MRPL1: variants seen among roughly 807,000 people sequenced by gnomAD.
MRPL1 encodes mitochondrial ribosomal protein L1.
In MRPL1, 28 loss-of-function variants were observed where a neutral mutation model predicts 38.0. The ratio of observed to expected loss-of-function variants is 0.74; its 90% CI spans 0.55 to 1.01. The LOEUF (loss-of-function observed/expected upper bound fraction) is 1.01. Ranked by LOEUF, MRPL1 falls within the 50% of genes least tolerant of loss-of-function variation. The pLI, the probability that MRPL1 is intolerant of heterozygous loss-of-function variation, is 0.00. For missense variants in MRPL1, 358 were observed against 389.8 expected (o/e 0.92, Z 0.69); for synonymous variants, 123 against 126.7 (o/e 0.97, Z 0.20).
chr4:77,952,697 T>A lies in MRPL1; in HGVS notation c.*90T>A, dbSNP rs1578068714. The A allele has an allele frequency of 1.3e-6, 1 of 766,252 alleles. No individual in the cohort carries two copies. Among genetic ancestry groups the A allele is most frequent in the East Asian group, 2.7e-5 (1 of 37,650 alleles). 47.5% of individuals were successfully genotyped at this position (766,252 alleles called of 1,614,324 possible). On this transcript the variant is annotated 3_prime_UTR_variant, in exon 9 of 9. Transcript: ENST00000315567. Reference sequence around the variant, plus strand: ...ATAATTTTTACATTTGATGTCTTGTTATTGATCATACTTGAAAGTGAACTT... The same window carrying A: ...ATAATTTTTACATTTGATGTCTTGTAATTGATCATACTTGAAAGTGAACTT...
chr4:77,920,086 T>C (rs1736530999), intron 7 of MRPL1, among the ~76,000 whole-genome samples: 1 of 152,190 alleles, frequency 6.6e-6, no homozygotes, highest in Admixed American at 6.5e-5. Flanking sequence ...CAATGTACTA[T>C]GAAAGTGACT....
At chr4:77,939,335 T>A (rs1189802923) in intron 7 of MRPL1, among the ~76,000 whole-genome samples, 1 of 152,204 alleles carries the variant, frequency 6.6e-6, no homozygotes, top group African/African-American at 2.4e-5. Flanking sequence ...TTGTGTGTCT[T>A]CTTTTGAGAA....
At chr4:77,927,684 A>G (rs1258409693) in intron 7 of MRPL1, among the ~76,000 whole-genome samples, 2 of 152,084 alleles carry the variant, frequency 1.3e-5, no homozygotes, top group East Asian at 1.9e-4. Context: ...TTCACTAAGT[A>G]CAATTGAAAT....
intron 4 of MRPL1, 39 bp downstream of exon 4, chr4:77,885,378 T>A (rs990662170): frequency 1.3e-6 from 2 of 1,531,026 alleles, no homozygotes; most frequent in South Asian, 2.3e-5. Flanking sequence ...CATTTAATTT[T>A]TTTTTTTGAG....
chr4:77,907,611 C>T (rs1343578468), intron 6 of MRPL1, among the ~76,000 whole-genome samples: 3 of 151,700 alleles, frequency 2.0e-5, no homozygotes, highest in African/African-American at 7.3e-5. Context: ...GTTGCCCAGG[C>T]TGCAGTGCAG....
At chr4:77,872,652 C>T (rs766568005) in intron 2 of MRPL1, among the ~76,000 whole-genome samples, 4 of 152,108 alleles carry the variant, frequency 2.6e-5, no homozygotes, top group Non-Finnish European at 5.9e-5. Flanking sequence ...ATCACGAAGT[C>T]GGCAGTTCAA....
Position 77,949,859 on chromosome 4 carries a change from G to A in MRPL1, c.840G>A (p.Arg280=). The A allele has an allele frequency of 6.2e-7, 1 of 1,609,006 alleles. No homozygotes were observed. The highest frequency in any genetic ancestry group is 8.5e-7 in the Non-Finnish European group (1 of 1,177,238). Residue 280 remains arginine, a synonymous_variant, in exon 8 of 9, where the codon AGG becomes AGA. Transcript: ENST00000315567. The stretch of plus-strand genomic sequence containing the variant: ...AAGCAGTTATTAATGAAGTTTGTAG[G>A]CACAGACCGCTGAATTTGGGTAAGT... ...NLQAVINEVC[R]HRPLNLGPFV...
chr4:77,950,949 C>T (rs1578068001), intron 8 of MRPL1, among the ~76,000 whole-genome samples: 1 of 152,234 alleles, frequency 6.6e-6, no homozygotes, highest in Non-Finnish European at 1.5e-5. Context: ...CAGCTCACTG[C>T]AACCTCCGCC....
intron 1 of MRPL1, among the ~76,000 whole-genome samples, chr4:77,865,246 T>C (rs1735100976): frequency 6.6e-6 from 1 of 152,212 alleles, no homozygotes; most frequent in South Asian, 2.1e-4. Context: ...GGGATCACTC[T>C]TCTGAACTTT....
At position 77,933,669 on chromosome 4, in the gene MRPL1, G is replaced by A. The variant is rs113516831; in HGVS notation, c.778-16128G>A. 2.8e-3 allele frequency among the ~76,000 whole-genome samples: 427 copies of A among 152,312 alleles called. 3 individuals are homozygous for A. Among genetic ancestry groups the A allele is most frequent in the Middle Eastern group, 0.014 (4 of 294 alleles). The stretch of plus-strand genomic sequence containing the variant: ...AACAAAAGATCTAACTTTCACATCA[G>A]TGGAATTCCAGAAGGAAAGAAGAAG... On this transcript the variant is annotated intron_variant, in intron 7 of 8. Transcript: ENST00000315567.
chr4:77,864,449 A>T (rs1735080541), intron 1 of MRPL1: 1 of 151,950 alleles, frequency 6.6e-6, no homozygotes. Context: ...TGTGGCTTTG[A>T]TTATTGTCTA....
intron 8 of MRPL1, among the ~76,000 whole-genome samples, chr4:77,951,978 A>G (rs918542510): frequency 3.9e-5 from 6 of 152,386 alleles, no homozygotes; most frequent in African/African-American, 1.4e-4. Context: ...AAAAATGGGC[A>G]AAGTATATGA....
rs370027141 is a variant in MRPL1 at position 77,952,637 on chromosome 4, G to A, written c.*30G>A. ...GGTGAATTGTGAAATTACTTTCAGT[G>A]GTTTAAGAAGCAATGGAGAAAATGA... On this transcript the variant is annotated 3_prime_UTR_variant, in exon 9 of 9. Transcript: ENST00000315567. 291 of 1,383,602 alleles carry A rather than the reference G, an allele frequency of 2.1e-4. No homozygotes were observed. The African/African-American group carries it at 3.9e-3, about 19-fold the overall frequency. The allele number at this position is 1,383,602 out of a possible 1,614,324, so 85.7% of individuals were successfully genotyped here. A position where few individuals can be genotyped will look rare whatever the true frequency, so the allele number is the denominator to read the frequency against.
chr4:77,936,150 C>T lies in MRPL1; in HGVS notation c.778-13647C>T, dbSNP rs573738230. On this transcript the variant is annotated intron_variant, in intron 7 of 8. Transcript: ENST00000315567. ...ACCATTTTAGTACTTTTTATTACTG[C>T]TCTTTCTGTATGGACGTATTTTTTT... Among the ~76,000 whole-genome samples, 4 of 149,290 alleles carry T rather than the reference C, an allele frequency of 2.7e-5. No homozygotes were observed. In the East Asian group the frequency reaches 6.0e-4, roughly 22 times the overall value.
At chr4:77,884,858 A>G (rs1048380450) in intron 3 of MRPL1, among the ~76,000 whole-genome samples, 1 of 152,234 alleles carries the variant, frequency 6.6e-6, no homozygotes, top group Non-Finnish European at 1.5e-5. Context: ...GCAAACATTT[A>G]TTATACATCA....
intron 7 of MRPL1, among the ~76,000 whole-genome samples, chr4:77,944,715 C>G (rs1737213750): frequency 6.6e-6 from 1 of 152,150 alleles, no homozygotes; most frequent in Admixed American, 6.5e-5. Context: ...GAGAAAAATT[C>G]TTATTTTTCC....
At chr4:77,872,026 G>A (rs1468071643) in intron 2 of MRPL1, among the ~76,000 whole-genome samples, 171 bp downstream of exon 2, 1 of 152,096 alleles carries the variant, frequency 6.6e-6, no homozygotes, top group Admixed American at 6.5e-5. Context: ...AATACTTAAC[G>A]TTTATTGAAC....
intron 7 of MRPL1, among the ~76,000 whole-genome samples, chr4:77,947,056 A>G (rs1461494006): frequency 6.6e-6 from 1 of 151,896 alleles, no homozygotes; most frequent in Non-Finnish European, 1.5e-5. Context: ...TAGTTTTCTC[A>G]TAATGATAAG....
At position 77,952,486 on chromosome 4, in the gene MRPL1, C is replaced by T; in HGVS notation, c.860-3C>T. On this transcript the variant is annotated splice_polypyrimidine_tract_variant and splice_region_variant and intron_variant, in intron 8 of 8. Coordinates refer to ENST00000315567, the MANE Select transcript of MRPL1 (RefSeq NM_020236.4). The stretch of plus-strand genomic sequence containing the variant: ...CAAAGTTGATTCTCGTTTTTGTTTC[C>T]AGGTCCCTTTGTGGTACGTGCTTTC... 1 of 1,602,904 alleles carries T rather than the reference C, an allele frequency of 6.2e-7. No individual in the cohort carries two copies. The highest frequency in any genetic ancestry group is 2.2e-5 in the East Asian group (1 of 44,606).
Sources: allele counts gnomAD v4.1 joint callset (sites outside exome capture counted in the v4.1 genomes callset), GRCh38; gene constraint gnomAD v4.1.1; transcripts MANE v1.5; gene names NCBI Gene and HGNC (gene_info 2026-07-23, HGNC 2026-07-21).